SLC35D2: variants seen among roughly 807,000 people sequenced by gnomAD.
The protein encoded by SLC35D2 is solute carrier family 35 member D2.
Under a neutral mutation model 41.8 loss-of-function variants are expected in SLC35D2, and 43 were observed. The observed-to-expected ratio is 1.03, with a 90% CI of 0.81 to 1.33. SLC35D2 has a LOEUF of 1.33. Among genes scored for constraint, SLC35D2 ranks in the 40% most tolerant of loss-of-function variants. The pLI, the probability that SLC35D2 is intolerant of heterozygous loss-of-function variation, is 0.00. For missense variants in SLC35D2, 380 were observed against 408.4 expected (o/e 0.93, Z 0.60); for synonymous variants, 150 against 163.9 (o/e 0.92, Z 0.65).
chr9:96,321,061 T>C lies in SLC35D2; in HGVS notation c.*181A>G, dbSNP rs1587823417. On this transcript the variant is annotated 3_prime_UTR_variant, in exon 12 of 12. Coordinates refer to ENST00000253270, the MANE Select transcript of SLC35D2 (RefSeq NM_007001.3). ...ACAGGTAAGGTGTCGCCCGAGTACA[T>C]TTCTTGAGACTGCCATTGGCTCATC... 3 of 558,434 alleles carry C rather than the reference T, an allele frequency of 5.4e-6. No homozygotes were observed. The highest frequency in any genetic ancestry group is 3.3e-5 in the Admixed American group (1 of 30,318). 34.6% of individuals were successfully genotyped at this position (558,434 alleles called of 1,614,324 possible).
chr9:96,373,745 A>T (rs942889892), intron 1 of SLC35D2, among the ~76,000 whole-genome samples: 4 of 152,074 alleles, frequency 2.6e-5, no homozygotes, highest in Admixed American at 6.6e-5. Flanking sequence ...GTCCCCAAGG[A>T]AACCCAGAAG....
chr9:96,339,316 G>T (rs1459929041), intron 8 of SLC35D2, among the ~76,000 whole-genome samples: 1 of 152,030 alleles, frequency 6.6e-6, no homozygotes, highest in Non-Finnish European at 1.5e-5. Flanking sequence ...TCACCATGTT[G>T]GCCAAGATGG....
At chr9:96,344,687 T>A (rs1178525659) in intron 7 of SLC35D2, among the ~76,000 whole-genome samples, 1 of 117,302 alleles carries the variant, frequency 8.5e-6, no homozygotes, top group Non-Finnish European at 1.6e-5. Context: ...GCCTGACTCA[T>A]CCTCCGGGCT....
intron 6 of SLC35D2, among the ~76,000 whole-genome samples, chr9:96,350,230 G>A (rs1289355478): frequency 6.6e-6 from 1 of 151,848 alleles, no homozygotes; most frequent in East Asian, 1.9e-4. Flanking sequence ...GAATGCAGTG[G>A]TGCAATCATT....
chr9:96,341,266 G>A (rs545212026), intron 8 of SLC35D2, among the ~76,000 whole-genome samples: 1 of 152,256 alleles, frequency 6.6e-6, no homozygotes, highest in Non-Finnish European at 1.5e-5. Context: ...CAGCCTGGGT[G>A]ACAGAGTGAG....
At chr9:96,380,624 GT>G (rs145071764) in intron 1 of SLC35D2, among the ~76,000 whole-genome samples, 5 of 149,522 alleles carry the variant, frequency 3.3e-5, no homozygotes, top group African/African-American at 7.4e-5. Context: ...TGCCCAGCTA[GT>G]TTTTTTTTGT....
chr9:96,325,711 G>A (rs1376163273), intron 9 of SLC35D2, among the ~76,000 whole-genome samples: 1 of 152,160 alleles, frequency 6.6e-6, no homozygotes, highest in Admixed American at 6.6e-5. Context: ...TTAAAGGCAG[G>A]AACTTGGATT....
rs2131061052 is a variant in SLC35D2 at position 96,383,684 on chromosome 9, G to A, written c.-50C>T. The A allele has an allele frequency of 1.0e-6, 1 of 980,614 alleles. No homozygotes were observed. The highest frequency in any genetic ancestry group is 1.8e-5 in the African/African-American group (1 of 57,078). The allele number at this position is 980,614 out of a possible 1,614,324, so 60.7% of individuals were successfully genotyped here. On this transcript the variant is annotated 5_prime_UTR_variant, in exon 1 of 12. Transcript: ENST00000253270. ...CGCCCGCCAGCCCCGGCTGCGCACT[G>A]GTCCCGCCCGGCCGGGCCGGGGAAG...
chr9:96,327,435 G>A (rs1017134244), intron 9 of SLC35D2, among the ~76,000 whole-genome samples: 1 of 151,862 alleles, frequency 6.6e-6, no homozygotes, highest in Non-Finnish European at 1.5e-5. Flanking sequence ...AAGACATCAT[G>A]GATCTAAGAT....
intron 1 of SLC35D2, among the ~76,000 whole-genome samples, chr9:96,378,268 T>TAAAAA (rs560408413): frequency 8.3e-6 from 1 of 121,208 alleles, no homozygotes. Flanking sequence ...ACTCCATCTC[T>TAAAAA]AAAAAAAAAA....
intron 3 of SLC35D2, among the ~76,000 whole-genome samples, chr9:96,361,745 C>A (rs952125733): frequency 6.6e-6 from 1 of 150,538 alleles, no homozygotes; most frequent in Non-Finnish European, 1.5e-5. Context: ...GGAAGAGATA[C>A]GAGGAGTGCA....
At chr9:96,320,409 G>A (rs1286529150), downstream of SLC35D2, among the ~76,000 whole-genome samples, 2 of 151,966 alleles carry the variant, frequency 1.3e-5, no homozygotes, top group Admixed American at 6.6e-5. Context: ...CCAGCTACTC[G>A]GGAGGCTGAA....
chr9:96,379,566 C>T (rs532736166), intron 1 of SLC35D2, among the ~76,000 whole-genome samples: 3 of 152,156 alleles, frequency 2.0e-5, no homozygotes, highest in Non-Finnish European at 4.4e-5. Context: ...CATGACCCTG[C>T]GAATTAGGTA....
At chr9:96,379,369 CCT>C (rs948324752) in intron 1 of SLC35D2, among the ~76,000 whole-genome samples, 8 of 152,028 alleles carry the variant, frequency 5.3e-5, no homozygotes, top group African/African-American at 1.7e-4. Context: ...CTTATTTTCC[CCT>C]CTCGCCCCAA....
At chr9:96,379,001 C>T (rs950337888) in intron 1 of SLC35D2, among the ~76,000 whole-genome samples, 1 of 151,864 alleles carries the variant, frequency 6.6e-6, no homozygotes, top group Admixed American at 6.6e-5. Flanking sequence ...TCCCAAAGGA[C>T]CAAGAGTATA....
Position 96,355,533 on chromosome 9 carries a change from G to A in SLC35D2, c.348-3424C>T, listed in dbSNP as rs576206479. Among the ~76,000 whole-genome samples the A allele has an allele frequency of 3.0e-3, 457 of 150,194 alleles. 4 individuals carry two copies. Among genetic ancestry groups the A allele is most frequent in the Non-Finnish European group, 2.8e-3 (188 of 67,512 alleles). On this transcript the variant is annotated intron_variant, in intron 4 of 11. Transcript: ENST00000253270. The stretch of plus-strand genomic sequence containing the variant: ...TTTTTTTTGAGACGGAGTTTCGCTC[G>A]TCGCCCAGGCTGGAGTGCAATGGCG...
At chr9:96,372,680 G>T (rs1271720272) in intron 1 of SLC35D2, among the ~76,000 whole-genome samples, 1 of 147,422 alleles carries the variant, frequency 6.8e-6, no homozygotes, top group African/African-American at 2.5e-5. Flanking sequence ...CGCCTCCCAG[G>T]GTCAAGCGAT....
downstream of SLC35D2, among the ~76,000 whole-genome samples, chr9:96,316,126 G>A (rs192890970): frequency 1.4e-4 from 22 of 152,254 alleles, no homozygotes; most frequent in African/African-American, 4.8e-4. Context: ...GGGAAAATCC[G>A]GATGTATTCT....
At chr9:96,357,244 C>T (rs1830064741) in intron 4 of SLC35D2, among the ~76,000 whole-genome samples, 1 of 152,176 alleles carries the variant, frequency 6.6e-6, no homozygotes, top group Non-Finnish European at 1.5e-5. Flanking sequence ...TTATGATCAA[C>T]TGATTTTCTA....
Sources: allele counts gnomAD v4.1 joint callset (sites outside exome capture counted in the v4.1 genomes callset), GRCh38; gene constraint gnomAD v4.1.1; transcripts MANE v1.5; gene names NCBI Gene and HGNC (gene_info 2026-07-23, HGNC 2026-07-21).